The following PLCD4 variants were observed in gnomAD, a reference collection of about 807,000 sequenced individuals.
PLCD4 encodes the protein 1-phosphatidylinositol 4,5-bisphosphate phosphodiesterase delta-4.
A neutral mutation model predicts 90.2 loss-of-function variants in PLCD4; 63 were observed. The ratio of observed to expected loss-of-function variants is 0.70; its 90% CI spans 0.57 to 0.86. The LOEUF is 0.86. Among genes scored for constraint, PLCD4 ranks in the 40% least tolerant of loss-of-function variants. The probability of loss-of-function intolerance (pLI) is 0.00; values close to 1 mark genes in which losing one functional copy is unlikely to be tolerated. For synonymous variants in PLCD4, 294 were observed against 356.5 expected (o/e 0.82, Z 1.97); for missense variants, 830 against 956.3 (o/e 0.87, Z 1.74).
At chr2:218,629,980 C>T (rs1696289047) in intron 8 of PLCD4, among the ~76,000 whole-genome samples, 1 of 152,150 alleles carries the variant, frequency 6.6e-6, no homozygotes, top group Non-Finnish European at 1.5e-5. Context: ...GAGTTTGAGA[C>T]TAACCTGACC....
chr2:218,615,558 T>G, intron 1 of PLCD4, 149 bp from the exon 2 acceptor site: 1 of 595,352 alleles, frequency 1.7e-6, no homozygotes, highest in Admixed American at 3.3e-5. Flanking sequence ...CATATCTTGG[T>G]TTAAATTCTG....
Position 218,630,599 on chromosome 2 carries a change from G to C in PLCD4, c.1120-51G>C, listed in dbSNP as rs1305862525. 2.5e-6 allele frequency: 4 copies of C among 1,610,760 alleles called. No individual in the cohort carries two copies. In the South Asian group the frequency reaches 3.3e-5, roughly 13 times the overall value. On this transcript the variant is annotated intron_variant, in intron 8 of 15. Coordinates refer to ENST00000450993, the MANE Select transcript of PLCD4 (RefSeq NM_032726.4). ...AGGAAGCGGGTACTTGAAGAAGTAG[G>C]TTGCAGTGTTTTAGAACTCTGAATC...
intron 10 of PLCD4, chr2:218,633,207 A>G (rs1696486850): frequency 1.7e-6 from 1 of 589,896 alleles, no homozygotes; most frequent in Non-Finnish European, 3.0e-6. Context: ...TTTTGACCAA[A>G]GGTTATTGTT....
rs757471919 is a variant in PLCD4 at position 218,633,609 on chromosome 2, C to T, written c.1454C>T (p.Ser485Phe). The T allele has an allele frequency of 1.9e-6, 3 of 1,613,396 alleles. No homozygotes were observed. The highest frequency in any genetic ancestry group is 2.5e-6 in the Non-Finnish European group (3 of 1,179,350). Residue 485 changes from serine to phenylalanine, a missense_variant, in exon 11 of 16, where the codon TCC (serine) becomes TTC (phenylalanine). Coordinates refer to ENST00000450993, the MANE Select transcript of PLCD4 (RefSeq NM_032726.4). ...CTTCTTTTCCACCTTCTCCAGAAAT[C>T]CAAGCCCATCTTGTGTCCAGCCCTC... ...NLQNKDKKKK[S>F]KPILCPALSS...
intron 14 of PLCD4, 48 bp downstream of exon 14, chr2:218,635,979 T>C (rs1207925189): frequency 6.2e-7 from 1 of 1,612,834 alleles, no homozygotes; most frequent in Admixed American, 1.7e-5. Flanking sequence ...GCATGATTAG[T>C]TTTCCTTCTA....
chr2:218,624,657 C>G (rs36068653), intron 6 of PLCD4, among the ~76,000 whole-genome samples: 8,412 of 148,116 alleles, frequency 0.057, 335 homozygotes, highest in East Asian at 0.12. Flanking sequence ...GAGGTGGAGG[C>G]TGTAGTAAGC....
rs1182461265 is a variant in PLCD4, at chr2:218,616,389, T to G, written c.181+327T>G. ...AATTAAAGCCCTGGCTCTGCCACTT[T>G]CTAACTGAGTAGCTGTGGAAAATCA... On this transcript the variant is annotated intron_variant, in intron 3 of 15. Coordinates refer to ENST00000450993, the MANE Select transcript of PLCD4 (RefSeq NM_032726.4). Among the ~76,000 whole-genome samples, 4 of 152,134 alleles carry G rather than the reference T, an allele frequency of 2.6e-5. No homozygotes were observed. The East Asian group carries it at 7.7e-4, about 29-fold the overall frequency.
At chr2:218,628,756 G>C (rs74786768) in intron 7 of PLCD4, 2,670 of 154,866 alleles carry the variant, frequency 0.017, 41 homozygotes, top group South Asian at 0.069. Flanking sequence ...TCATGGATTA[G>C]ATTGAATAGT....
intron 6 of PLCD4, among the ~76,000 whole-genome samples, chr2:218,627,524 T>A (rs899317316): frequency 1.3e-5 from 2 of 152,014 alleles, no homozygotes; most frequent in Non-Finnish European, 2.9e-5. Context: ...AATGAACTTT[T>A]TTTTTTGAGA....
Position 218,618,656 on chromosome 2 carries a change from C to G in PLCD4, c.259C>G (p.Leu87Val). 3.1e-6 allele frequency: 5 copies of G among 1,614,016 alleles called. No individual in the cohort carries two copies. The highest frequency in any genetic ancestry group is 1.7e-4 in the Middle Eastern group (1 of 6,060). ...LLRSLAEELP[L>V]EQGFTIVFHG... ...GCGTAGCCTGGCAGAGGAGCTCCCC[C>G]TGGAGCAGGGCTTCACCATTGTCTT... The change falls in exon 4 of 16, where the codon CTG becomes GTG. Residue 87 changes from leucine to valine, a missense_variant. Physicochemically the swap from Leu to Val is conservative, Grantham distance 32. Coordinates refer to ENST00000450993, the MANE Select transcript of PLCD4 (RefSeq NM_032726.4).
chr2:218,614,003 TTTC>T (rs562138658), intron 1 of PLCD4, among the ~76,000 whole-genome samples: 245 of 151,310 alleles, frequency 1.6e-3, no homozygotes, highest in African/African-American at 5.5e-3. Context: ...GCATATATCT[TTTC>T]TTCTTCTTCT....
chr2:218,625,886 A>G (rs1696095281), intron 6 of PLCD4, among the ~76,000 whole-genome samples: 1 of 152,148 alleles, frequency 6.6e-6, no homozygotes, highest in Admixed American at 6.6e-5. Context: ...GTGAGTGGAA[A>G]TCGAACCACA....
At chr2:218,636,041 G>C (rs1351012655) in intron 14 of PLCD4, 110 bp downstream of exon 14, 9 of 1,526,118 alleles carry the variant, frequency 5.9e-6, no homozygotes, top group Non-Finnish European at 8.1e-6. Flanking sequence ...CCACATGGGA[G>C]GCAGTGTGGA....
intron 4 of PLCD4, among the ~76,000 whole-genome samples, chr2:218,620,835 A>T (rs1039172788): frequency 7.1e-6 from 1 of 140,150 alleles, no homozygotes; most frequent in Non-Finnish European, 1.5e-5. Context: ...TGGCAGTTGC[A>T]GTGAGCCAAG....
At chr2:218,626,792 A>G (rs2106147585) in intron 6 of PLCD4, among the ~76,000 whole-genome samples, 1 of 152,296 alleles carries the variant, frequency 6.6e-6, no homozygotes, top group East Asian at 1.9e-4. Context: ...CCCTCAGGCC[A>G]TAGTTAGTCA....
chr2:218,633,196 A>AT (rs1162278287), intron 10 of PLCD4: 1 of 587,690 alleles, frequency 1.7e-6, no homozygotes, highest in Non-Finnish European at 3.0e-6. Context: ...ATTCATGTAC[A>AT]TTTTGACCAA....
intron 6 of PLCD4, among the ~76,000 whole-genome samples, chr2:218,625,272 A>G (rs1696067579): frequency 6.6e-6 from 1 of 151,728 alleles, no homozygotes; most frequent in Non-Finnish European, 1.5e-5. Flanking sequence ...TGCAGGATCC[A>G]GTAAACATCA....
Position 218,634,526 on chromosome 2 carries a change from G to T in PLCD4, c.1792G>T (p.Gly598Cys). 1 of 1,614,072 alleles carries T rather than the reference G, an allele frequency of 6.2e-7. No homozygotes were observed. Among genetic ancestry groups the T allele is most frequent in the Non-Finnish European group, 8.5e-7 (1 of 1,179,904 alleles). Residue 598 changes from glycine (G) to cysteine (C), a missense_variant, in exon 13 of 16, where the codon GGC (glycine) becomes TGC (cysteine). By Grantham distance (159) the Gly-to-Cys change is radical. Transcript: ENST00000450993. This position sits in a 1 kb window ranked among gnomAD's most constrained non-coding sequence, Gnocchi z 4.0. ...TGATGGGCATTTCCGCCAGAATGGCGGCTGTGGCTATGTGCTGAAGCCAGA... is the reference window on the plus strand; with the variant it reads ...TGATGGGCATTTCCGCCAGAATGGCTGCTGTGGCTATGTGCTGAAGCCAGA... ...ICDGHFRQNG[G>C]CGYVLKPDFL...
chr2:218,633,624 GTCCAGCCC>G lies in PLCD4; in HGVS notation c.1472_1479del (p.Pro491LeufsTer32). ...CTCCAGAAATCCAAGCCCATCTTGT[GTCCAGCCC>G]TCTCTTCCCTGGTTATCTACTTGAA... is the stretch of plus-strand genomic sequence containing the variant. On this transcript the variant is annotated frameshift_variant, in exon 11 of 16. Coordinates refer to ENST00000450993, the MANE Select transcript of PLCD4 (RefSeq NM_032726.4). LOFTEE classifies it high-confidence loss of function. The G allele has an allele frequency of 6.2e-7, 1 of 1,613,700 alleles. No individual in the cohort carries two copies. The highest frequency in any genetic ancestry group is 1.6e-4 in the Middle Eastern group (1 of 6,062).
Sources: gnomAD v4.1 joint callset for allele counts (sites outside exome capture counted in the v4.1 genomes callset) on GRCh38, gnomAD v4.1.1 for gene constraint, Gnocchi (gnomAD v3.1) non-coding constraint, MANE v1.5 for transcripts, NCBI Gene and HGNC (gene_info 2026-07-23, HGNC 2026-07-21) for gene names.